Variants in ZNF280D observed in about 807,000 individuals in gnomAD.
ZNF280D encodes the protein suppressor of hairy wing homolog 4.
Under a neutral mutation model 94.7 loss-of-function variants are expected in ZNF280D, and 39 were observed. That is an observed-to-expected ratio of 0.41 (90% CI 0.32 to 0.54). The LOEUF is 0.54. Among genes scored for constraint, ZNF280D ranks in the 20% least tolerant of loss-of-function variants. The probability of loss-of-function intolerance (pLI) is 0.22; values close to 1 mark genes in which losing one functional copy is unlikely to be tolerated. For missense variants in ZNF280D, 1,090 were observed against 1,149.3 expected, an observed-to-expected ratio of 0.95 and a Z score of 0.75; for synonymous variants, 398 against 377.6, an observed-to-expected ratio of 1.05 and a Z score of -0.63.
chr15:56,631,626 C>T lies in ZNF280D; in HGVS notation c.2812G>A (p.Gly938Ser). ...GTCTTGGCTGAAGGATCACCACTAC[C>T]TTTCTGAAGAATCTCTGTGGCTTCA... ...EYEATEILQK[G>S]SGDPSAKTDE... The change falls in exon 22 of 22, where the codon GGT (glycine) becomes AGT (serine). Residue 938 changes from glycine (G) to serine (S), a missense_variant. Physicochemically the swap from Gly to Ser is moderately conservative, Grantham distance 56. Around this residue, in one of 3 missense-constraint regions of ZNF280D, gnomAD observed 577 missense variants for 568.8 expected, o/e 1.01. Transcript: ENST00000267807. 4 of 1,614,152 alleles carry T rather than the reference C, an allele frequency of 2.5e-6. No homozygotes were observed. Among genetic ancestry groups the T allele is most frequent in the Non-Finnish European group, 3.4e-6 (4 of 1,180,024 alleles).
intron 6 of ZNF280D, 168 bp downstream of exon 6, chr15:56,700,765 G>T (rs867553004): frequency 1.3e-6 from 2 of 1,508,354 alleles, no homozygotes; most frequent in African/African-American, 1.4e-5. Context: ...GTTATTACTT[G>T]GGGTACTGCT....
chr15:56,689,003 G>T, intron 9 of ZNF280D, 38 bp downstream of exon 9: 1 of 1,405,756 alleles, frequency 7.1e-7, no homozygotes, highest in Non-Finnish European at 9.9e-7. Flanking sequence ...TTAGAAATGT[G>T]CAAACTTTTT....
intron 1 of ZNF280D, among the ~76,000 whole-genome samples, chr15:56,715,785 T>C (rs568767468): frequency 3.8e-4 from 58 of 152,170 alleles, no homozygotes; most frequent in East Asian, 1.2e-3. Context: ...AAGATCTACA[T>C]GACAGAAGGT....
At chr15:56,699,534 T>C (rs139310486) in intron 6 of ZNF280D, 1,526 of 841,400 alleles carry the variant, frequency 1.8e-3, no homozygotes, top group Middle Eastern at 3.6e-3. Context: ...TTTTGTTCTT[T>C]AGACTCTTTT....
chr15:56,721,360 T>C (rs1250626343), intron 1 of ZNF280D, among the ~76,000 whole-genome samples: 1 of 152,202 alleles, frequency 6.6e-6, no homozygotes, highest in East Asian at 1.9e-4. Context: ...TCATTAGCCC[T>C]TAACCAGAGA....
intron 17 of ZNF280D, among the ~76,000 whole-genome samples, chr15:56,657,850 C>A (rs2053654803): frequency 6.6e-6 from 1 of 151,948 alleles, no homozygotes; most frequent in African/African-American, 2.4e-5. Context: ...ATCAAACAGA[C>A]CAGCAATTCC....
rs1336883388 is a variant in ZNF280D, at chr15:56,666,853, G to T, written c.1679C>A (p.Ser560Tyr). 6.2e-7 allele frequency: 1 copy of T among 1,613,846 alleles called. No homozygotes were observed. Residue 560 changes from serine to tyrosine, a missense_variant, in exon 15 of 22, where the codon TCT becomes TAT. Ser to Tyr is a moderately radical substitution (Grantham distance 144). Around this residue, in one of 3 missense-constraint regions of ZNF280D, gnomAD observed 577 missense variants for 568.8 expected, o/e 1.01. Transcript: ENST00000267807. ...GACTGTATTAGGTTTACTTGTATTA[G>T]ATTTTGCAGGATTTTTAGCAGTTAT... is the stretch of plus-strand genomic sequence containing the variant. ...KNITAKNPAK[S>Y]NTSKPNTVKS...
At chr15:56,719,460 C>T in intron 1 of ZNF280D, among the ~76,000 whole-genome samples, 1 of 152,124 alleles carries the variant, frequency 6.6e-6, no homozygotes, top group East Asian at 1.9e-4. Context: ...TGAGTGGATG[C>T]AGCCTGAGGC....
At position 56,689,361 on chromosome 15, in the gene ZNF280D, T is replaced by A; in HGVS notation, c.609A>T (p.Ser203=). The A allele has an allele frequency of 6.2e-7, 1 of 1,610,234 alleles. No individual in the cohort carries two copies. Among genetic ancestry groups the A allele is most frequent in the African/African-American group, 1.3e-5 (1 of 74,984 alleles). The change falls in exon 8 of 22, where the codon TCA becomes TCT. Residue 203 remains serine, a synonymous_variant. Coordinates refer to ENST00000267807, the MANE Select transcript of ZNF280D (RefSeq NM_017661.4). ...GAGATTTAACTGAAGGTAATACAGC[T>A]GAGGAATTTGCTCCAGAAACACTTT... The part of the protein sequence containing the change: ...PSESVSGANS[S]AVLPSVKSPS...
intron 19 of ZNF280D, among the ~76,000 whole-genome samples, chr15:56,644,822 T>C (rs2052800606): frequency 1.3e-5 from 2 of 152,150 alleles, no homozygotes; most frequent in African/African-American, 4.8e-5. Context: ...CACTCTTTAT[T>C]GTACTGGCAA....
At position 56,631,652 on chromosome 15, in the gene ZNF280D, T is replaced by A. The variant is rs753595836; in HGVS notation, c.2786A>T (p.Tyr929Phe). ...EPLTPSEVLE[Y>F]EATEILQKGS... ...TTTCTGAAGAATCTCTGTGGCTTCA[T>A]ACTCAAGTACCTCGGATGGAGTCAG... is the stretch of plus-strand genomic sequence containing the variant. The change falls in exon 22 of 22, where the codon TAT (tyrosine) becomes TTT (phenylalanine). Residue 929 changes from tyrosine to phenylalanine, a missense_variant. By Grantham distance (22) the Tyr-to-Phe change is conservative. Transcript: ENST00000267807. 1 of 1,614,172 alleles carries A rather than the reference T, an allele frequency of 6.2e-7. No individual in the cohort carries two copies. Among genetic ancestry groups the A allele is most frequent in the Non-Finnish European group, 8.5e-7 (1 of 1,180,018 alleles).
At chr15:56,692,926 G>A (rs571193371) in intron 7 of ZNF280D, among the ~76,000 whole-genome samples, 172 bp downstream of exon 7, 19 of 152,118 alleles carry the variant, frequency 1.2e-4, no homozygotes, top group Non-Finnish European at 2.4e-4. Flanking sequence ...CATTAAATAG[G>A]ATTTTACAGA....
chr15:56,713,806 C>G (rs745676770), intron 1 of ZNF280D, among the ~76,000 whole-genome samples: 35 of 152,100 alleles, frequency 2.3e-4, no homozygotes, highest in Non-Finnish European at 4.6e-4. Context: ...TGTTGTACAT[C>G]CCCTTACTAT....
At chr15:56,693,002 C>A (rs2056513889) in intron 7 of ZNF280D, 96 bp downstream of exon 7, 1 of 687,242 alleles carries the variant, frequency 1.5e-6, no homozygotes, top group Non-Finnish European at 2.5e-6. Flanking sequence ...AAAAACTTCA[C>A]ACAAGGGTAG....
chr15:56,676,616 T>G, intron 13 of ZNF280D, 54 bp downstream of exon 13: 2 of 1,466,668 alleles, frequency 1.4e-6, no homozygotes, highest in Non-Finnish European at 1.8e-6. Flanking sequence ...CAAGTCATAA[T>G]CAGTTTTTTC....
At chr15:56,717,143 T>C (rs1327906564) in intron 1 of ZNF280D, among the ~76,000 whole-genome samples, 1 of 152,106 alleles carries the variant, frequency 6.6e-6, no homozygotes, top group African/African-American at 2.4e-5. Flanking sequence ...TTACATCACA[T>C]GCTCTCCCTG....
intron 21 of ZNF280D, chr15:56,634,088 T>A (rs1405906689): frequency 2.0e-5 from 3 of 152,182 alleles, no homozygotes; most frequent in African/African-American, 7.2e-5. Flanking sequence ...CAAAGAACTC[T>A]GCAACTGGCT....
chr15:56,702,910 AACACAC>A (rs59095987), intron 4 of ZNF280D, among the ~76,000 whole-genome samples: 20,191 of 135,524 alleles, frequency 0.15, 1,725 homozygotes, highest in African/African-American at 0.25. Context: ...ATGGTAAGTA[AACACAC>A]ACACACACAC....
intron 20 of ZNF280D, among the ~76,000 whole-genome samples, chr15:56,641,633 TCACAGA>T (rs1189065191): frequency 2.0e-5 from 3 of 151,808 alleles, no homozygotes; most frequent in African/African-American, 7.2e-5. Context: ...ATATTTAAAT[TCACAGA>T]ATGCAGCATT....
Sources: allele counts gnomAD v4.1 joint callset (sites outside exome capture counted in the v4.1 genomes callset), GRCh38; gene constraint gnomAD v4.1.1; regional missense constraint gnomAD v4.1.1; transcripts MANE v1.5; gene names NCBI Gene and HGNC (gene_info 2026-07-23, HGNC 2026-07-21).